The following CSMD1 variants were observed in gnomAD, a reference collection of about 807,000 sequenced individuals.
CSMD1 encodes CUB and Sushi multiple domains 1.
CSMD1 carries 213 observed loss-of-function variants against 417.5 expected under a neutral mutation model. That is an observed-to-expected ratio of 0.51 (90% CI 0.46 to 0.57). CSMD1 has a LOEUF of 0.57. CSMD1 is among the 20% of genes least tolerant of loss of function. The pLI, the probability that CSMD1 is intolerant of heterozygous loss-of-function variation, is 0.00. For missense variants in CSMD1, 6,923 were observed against 4,529.7 expected, an observed-to-expected ratio of 1.53 and a Z score of -15.17; for synonymous variants, 2,862 against 1,736.8, an observed-to-expected ratio of 1.65 and a Z score of -16.11.
intron 40 of CSMD1, among the ~76,000 whole-genome samples, chr8:3,145,599 C>G (rs951058991): frequency 2.0e-5 from 3 of 152,136 alleles, no homozygotes; most frequent in African/African-American, 7.2e-5. Context: ...AGCCACATAT[C>G]AAACTACCTA....
At chr8:4,453,478 C>G (rs960979438) in intron 2 of CSMD1, among the ~76,000 whole-genome samples, 1 of 152,192 alleles carries the variant, frequency 6.6e-6, no homozygotes, top group Admixed American at 6.5e-5. Context: ...CGAAGTCTGG[C>G]TGAATTCAAA....
At chr8:3,788,405 G>A in intron 5 of CSMD1, among the ~76,000 whole-genome samples, 1 of 152,262 alleles carries the variant, frequency 6.6e-6, no homozygotes, top group East Asian at 1.9e-4. Flanking sequence ...GAAGACCCAA[G>A]TGAGGCTTCT....
At chr8:4,332,627 T>C (rs1173335957) in intron 3 of CSMD1, among the ~76,000 whole-genome samples, 1 of 120,346 alleles carries the variant, frequency 8.3e-6, no homozygotes, top group Non-Finnish European at 1.9e-5. Flanking sequence ...GCAGAGACAT[T>C]CAGATACACA....
chr8:4,056,484 G>C (rs1033895882), intron 3 of CSMD1, among the ~76,000 whole-genome samples: 2 of 151,474 alleles, frequency 1.3e-5, no homozygotes, highest in African/African-American at 2.4e-5. Context: ...TTCCGGGGCT[G>C]AGAGTCCTGA....
chr8:3,259,484 A>G (rs1800897153), intron 26 of CSMD1, among the ~76,000 whole-genome samples: 1 of 152,228 alleles, frequency 6.6e-6, no homozygotes, highest in South Asian at 2.1e-4. Flanking sequence ...ATTCAAAAGA[A>G]TTGAAATTTT....
chr8:4,744,348 A>C (rs958513405), intron 1 of CSMD1, among the ~76,000 whole-genome samples: 7 of 152,084 alleles, frequency 4.6e-5, no homozygotes, highest in Non-Finnish European at 1.0e-4. Flanking sequence ...GCTAGCCACA[A>C]CTTCTTTCCA....
At chr8:4,291,539 A>G (rs1204617708) in intron 3 of CSMD1, among the ~76,000 whole-genome samples, 1 of 152,190 alleles carries the variant, frequency 6.6e-6, no homozygotes, top group African/African-American at 2.4e-5. Context: ...TGATTTACAC[A>G]TAAAAAAATT....
rs562124443 is a variant in CSMD1 at position 3,641,942 on chromosome 8, T to C, written c.1010-25145A>G. Among the ~76,000 whole-genome samples the C allele has an allele frequency of 5.5e-4, 84 of 152,270 alleles. 1 individual carries two copies. The highest frequency in any genetic ancestry group is 2.6e-4 in the Non-Finnish European group (18 of 68,036). On this transcript the variant is annotated intron_variant, in intron 7 of 69. Transcript: ENST00000635120. ...TAAGGTTAGCAAAAAACACAAGCAC[T>C]GAGTGAATCCCTGACACAGATGGGG...
chr8:3,070,039 C>G (rs900091162), intron 49 of CSMD1, among the ~76,000 whole-genome samples: 1 of 152,222 alleles, frequency 6.6e-6, no homozygotes, highest in African/African-American at 2.4e-5. Flanking sequence ...ACTTGTGATT[C>G]AAAGATGGAG....
chr8:4,960,738 A>G (rs1477342162), intron 1 of CSMD1, among the ~76,000 whole-genome samples: 1 of 152,202 alleles, frequency 6.6e-6, no homozygotes, highest in African/African-American at 2.4e-5. Context: ...ATAAAATTGC[A>G]AATTCCTTTA....
chr8:4,132,219 G>A (rs1274823092), intron 3 of CSMD1, among the ~76,000 whole-genome samples: 6 of 143,288 alleles, frequency 4.2e-5, no homozygotes, highest in Admixed American at 2.8e-4. Context: ...TTTTTTTCAC[G>A]GGGTAGTAAT....
chr8:4,871,166 A>G (rs1031612), intron 1 of CSMD1, among the ~76,000 whole-genome samples: 148,371 of 152,226 alleles, frequency 0.97, 72,353 homozygotes, highest in East Asian at 1. Context: ...AATAAGTAGC[A>G]TGGGATTCAT....
At chr8:4,018,693 G>T (rs1007940804) in intron 4 of CSMD1, among the ~76,000 whole-genome samples, 1 of 152,268 alleles carries the variant, frequency 6.6e-6, no homozygotes, top group Admixed American at 6.5e-5. Flanking sequence ...TTTTAAGTTA[G>T]GTTCTTTTAG....
At chr8:4,430,878 T>A (rs1451868387) in intron 2 of CSMD1, among the ~76,000 whole-genome samples, 2 of 152,176 alleles carry the variant, frequency 1.3e-5, no homozygotes, top group Non-Finnish European at 2.9e-5. Context: ...TTCTGTGTGA[T>A]CAGCACCAGC....
chr8:3,100,803 T>C (rs1321526018), intron 46 of CSMD1, among the ~76,000 whole-genome samples: 1 of 152,136 alleles, frequency 6.6e-6, no homozygotes, highest in African/African-American at 2.4e-5. Flanking sequence ...TAGCATAAAT[T>C]GGGATTTATG....
chr8:4,847,027 T>A (rs936145887), intron 1 of CSMD1, among the ~76,000 whole-genome samples: 1 of 152,122 alleles, frequency 6.6e-6, no homozygotes, highest in Non-Finnish European at 1.5e-5. Context: ...ACAACTTGTG[T>A]TTTTAAAAAG....
At chr8:3,242,985 C>T (rs917323429) in intron 26 of CSMD1, among the ~76,000 whole-genome samples, 12 of 152,220 alleles carry the variant, frequency 7.9e-5, no homozygotes, top group African/African-American at 2.6e-4. Context: ...AGGCTGCCTT[C>T]CGTAGTCCGT....
intron 10 of CSMD1, among the ~76,000 whole-genome samples, chr8:3,506,289 G>A (rs1245833343): frequency 6.6e-6 from 1 of 152,192 alleles, no homozygotes; most frequent in Non-Finnish European, 1.5e-5. Flanking sequence ...CTACTTAAGT[G>A]CCTCAGATTC....
At chr8:3,942,365 C>A (rs147145495) in intron 5 of CSMD1, among the ~76,000 whole-genome samples, 5 of 152,030 alleles carry the variant, frequency 3.3e-5, no homozygotes, top group Non-Finnish European at 7.4e-5. Flanking sequence ...TGGTAGAGGA[C>A]GGCTACCTTA....
Sources: allele counts gnomAD v4.1 joint callset (sites outside exome capture counted in the v4.1 genomes callset), GRCh38; gene constraint gnomAD v4.1.1; transcripts MANE v1.5; gene names NCBI Gene and HGNC (gene_info 2026-07-23, HGNC 2026-07-21).